RBPJ: variants seen among roughly 807,000 people sequenced by gnomAD.
RBPJ encodes the protein recombination signal binding protein for immunoglobulin kappa J region.
RBPJ carries 9 observed loss-of-function variants against 67.8 expected under a neutral mutation model. The ratio of observed to expected loss-of-function variants is 0.13; its 90% CI spans 0.08 to 0.23. The LOEUF (loss-of-function observed/expected upper bound fraction) is 0.23. Ranked by LOEUF, RBPJ falls within the 10% of genes least tolerant of loss-of-function variation. The probability of loss-of-function intolerance (pLI) is 1.00; values close to 1 mark genes in which losing one functional copy is unlikely to be tolerated. For missense variants in RBPJ, 305 were observed against 595.6 expected (o/e 0.51, Z 5.08); for synonymous variants, 198 against 203.3 (o/e 0.97, Z 0.22).
intron 1 of RBPJ, among the ~76,000 whole-genome samples, chr4:26,297,891 G>C (rs1421315271): frequency 6.6e-6 from 1 of 151,428 alleles, no homozygotes; most frequent in Non-Finnish European, 1.5e-5. Context: ...TCCCAGGAGA[G>C]CTTTCTAATG....
chr4:26,106,820 G>T, the RBPJ span, among the ~76,000 whole-genome samples: 17 of 152,288 alleles, frequency 1.1e-4, no homozygotes, highest in African/African-American at 4.1e-4. Flanking sequence ...TACATCTACA[G>T]AAATTCCAGT....
chr4:26,347,494 G>T (rs1726285357), intron 1 of RBPJ, among the ~76,000 whole-genome samples: 1 of 152,228 alleles, frequency 6.6e-6, no homozygotes, highest in Admixed American at 6.5e-5. Flanking sequence ...ACACTGGTCA[G>T]TGGTGTCAAA....
At chr4:26,155,132 T>C in the RBPJ span, among the ~76,000 whole-genome samples, 1 of 152,232 alleles carries the variant, frequency 6.6e-6, no homozygotes, top group Admixed American at 6.5e-5. Flanking sequence ...TGGATCACTC[T>C]CTTTTGGAAA....
chr4:26,422,595 C>G (rs1735255811), intron 5 of RBPJ, among the ~76,000 whole-genome samples: 1 of 152,014 alleles, frequency 6.6e-6, no homozygotes, highest in Admixed American at 6.6e-5. Flanking sequence ...ATTATGAGAT[C>G]ATGGTTTTTG....
At chr4:26,179,367 A>C (rs1287670406) in intron 1 of RBPJ, among the ~76,000 whole-genome samples, 1 of 150,552 alleles carries the variant, frequency 6.6e-6, no homozygotes, top group African/African-American at 2.4e-5. Context: ...ATGCGGATGG[A>C]GCCCCACTGT....
intron 1 of RBPJ, among the ~76,000 whole-genome samples, chr4:26,182,790 C>T (rs573426132): frequency 6.6e-5 from 10 of 152,266 alleles, no homozygotes; most frequent in Admixed American, 1.3e-4. Flanking sequence ...TGAGCCACCA[C>T]CCGGCTTACT....
chr4:26,156,920 C>A, the RBPJ span, among the ~76,000 whole-genome samples: 1 of 146,508 alleles, frequency 6.8e-6, no homozygotes. Context: ...AAAAAAAATA[C>A]ATAAATTAGC....
At chr4:26,153,399 G>A in the RBPJ span, among the ~76,000 whole-genome samples, 1 of 152,202 alleles carries the variant, frequency 6.6e-6, no homozygotes, top group Non-Finnish European at 1.5e-5. Context: ...TGAAACAACA[G>A]CAAGAGATAA....
chr4:26,131,134 T>C, the RBPJ span, among the ~76,000 whole-genome samples: 105 of 152,330 alleles, frequency 6.9e-4, 1 homozygote, highest in African/African-American at 2.4e-3. Context: ...ATCATTTACA[T>C]ATCGAGGCTC....
At chr4:26,291,720 G>A (rs376997881) in intron 1 of RBPJ, among the ~76,000 whole-genome samples, 2 of 150,062 alleles carry the variant, frequency 1.3e-5, no homozygotes, top group Non-Finnish European at 3.0e-5. Context: ...GGGATTACAG[G>A]CATGCGCTGC....
In RBPJ at chr4:26,376,454, G is replaced by C. The variant is rs28576481; in HGVS notation, c.21-9899G>C. On this transcript the variant is annotated intron_variant, in intron 1 of 10. Transcript: ENST00000355476. ...ATTCATGTTGTGTTGTAACATATCA[G>C]AATTTCCTTTTCAGGCTGAATCATA... Among the ~76,000 whole-genome samples, 277 of 152,260 alleles carry C rather than the reference G, an allele frequency of 1.8e-3. 1 individual carries two copies. The highest frequency in any genetic ancestry group is 6.0e-3 in the African/African-American group (249 of 41,556).
Position 26,415,524 on chromosome 4 carries a change from A to G in RBPJ, c.205A>G (p.Lys69Glu), listed in dbSNP as rs1488842131. Residue 69 changes from lysine (K) to glutamate (E), a missense_variant, in exon 4 of 11, where the codon AAA (lysine) becomes GAA (glutamate). Transcript: ENST00000355476. ...ATATCTTATGGGCAGTGGATGGAAG[A>G]AAAAAAAAGAACAAATGGAACGCGA... ...CVYLMGSGWK[K>E]KKEQMERDGC... The G allele has an allele frequency of 6.3e-7, 1 of 1,597,462 alleles. No individual in the cohort carries two copies. Among genetic ancestry groups the G allele is most frequent in the Non-Finnish European group, 8.6e-7 (1 of 1,169,344 alleles).
intron 1 of RBPJ, among the ~76,000 whole-genome samples, chr4:26,239,591 TA>T: frequency 6.6e-6 from 1 of 152,266 alleles, no homozygotes; most frequent in East Asian, 1.9e-4. Context: ...CTGCCTGTAC[TA>T]AAAGCAAATG....
intron 1 of RBPJ, among the ~76,000 whole-genome samples, chr4:26,325,779 G>A (rs1401714415): frequency 2.0e-5 from 3 of 152,176 alleles, no homozygotes; most frequent in Admixed American, 2.0e-4. Flanking sequence ...ATCTCTGCAT[G>A]AGCCCAGCAG....
rs1006370150 is a variant in RBPJ at position 26,424,544 on chromosome 4, C to G, written c.634+65C>G. ...ATTGTTAAAATCTTTTGATGAGATACATGGATATATTAAGTTTTGTCATTT... is the reference window on the plus strand; with the variant it reads ...ATTGTTAAAATCTTTTGATGAGATAGATGGATATATTAAGTTTTGTCATTT... On this transcript the variant is annotated intron_variant, in intron 6 of 10. Transcript: ENST00000355476. The surrounding 1 kb of genome is among the most constrained non-coding windows in gnomAD (Gnocchi z 5.3). 6.4e-7 allele frequency: 1 copy of G among 1,565,766 alleles called. No individual in the cohort carries two copies. Among genetic ancestry groups the G allele is most frequent in the African/African-American group, 1.4e-5 (1 of 73,798 alleles).
chr4:26,270,731 T>C lies in RBPJ; in HGVS notation c.-166-91715T>C, dbSNP rs1049080013. On this transcript the variant is annotated intron_variant, in intron 1 of 4. Transcript: ENST00000512351. ...GGTTTTTTGGAAGGGGAGGGAGAAC[T>C]TTCCCTCTACCCTCTGAAGGTTTGA... Among the ~76,000 whole-genome samples, 5 of 152,170 alleles carry C rather than the reference T, an allele frequency of 3.3e-5. No individual in the cohort carries two copies. The South Asian group carries it at 6.2e-4, about 19-fold the overall frequency.
At chr4:26,375,800 G>C (rs115824216) in intron 1 of RBPJ, among the ~76,000 whole-genome samples, 1 of 152,140 alleles carries the variant, frequency 6.6e-6, no homozygotes, top group African/African-American at 2.4e-5. Flanking sequence ...CAGGGGAAAG[G>C]GATGCTTGCT....
upstream of RBPJ, chr4:26,319,847 G>A: frequency 6.3e-7 from 1 of 1,596,506 alleles, no homozygotes; most frequent in Non-Finnish European, 8.6e-7. Context: ...GGAATCTCTA[G>A]GAAAGGAAAG....
chr4:26,271,739 A>C (rs904334633), intron 1 of RBPJ, among the ~76,000 whole-genome samples: 2 of 152,168 alleles, frequency 1.3e-5, no homozygotes, highest in African/African-American at 4.8e-5. Context: ...CTTTATCTTC[A>C]TCTAAGACCT....
Sources: gnomAD v4.1 joint callset for allele counts (sites outside exome capture counted in the v4.1 genomes callset) on GRCh38, gnomAD v4.1.1 for gene constraint, Gnocchi (gnomAD v3.1) non-coding constraint, MANE v1.5 for transcripts, NCBI Gene and HGNC (gene_info 2026-07-23, HGNC 2026-07-21) for gene names.